Variants in RIPOR2 observed in about 807,000 individuals in gnomAD.
The protein encoded by RIPOR2 is rho family-interacting cell polarization regulator 2.
A neutral mutation model predicts 114.5 loss-of-function variants in RIPOR2; 39 were observed. That is an observed-to-expected ratio of 0.34 (90% CI 0.26 to 0.44). RIPOR2 has a LOEUF of 0.44. Ranked by LOEUF, RIPOR2 falls within the 20% of genes least tolerant of loss-of-function variation. The pLI, the probability that RIPOR2 is intolerant of heterozygous loss-of-function variation, is 1.00. For synonymous variants in RIPOR2, 445 were observed against 484.4 expected (o/e 0.92, Z 1.07); for missense variants, 1,007 against 1,255.1 (o/e 0.80, Z 2.99).
At chr6:25,024,366 C>T (rs1339226780) in intron 1 of RIPOR2, 1 of 1,373,470 alleles carries the variant, frequency 7.3e-7, no homozygotes, top group Admixed American at 1.7e-5. Flanking sequence ...TTCCTTCTGG[C>T]CAGTGTTGGC....
rs988983816 is a variant in RIPOR2, at chr6:24,839,690, C to G, written c.1858-418G>C. 97 of 1,509,898 alleles carry G rather than the reference C, an allele frequency of 6.4e-5. 1 individual carries two copies. The South Asian group carries it at 1.1e-3, about 17-fold the overall frequency. The allele number at this position is 1,509,898 out of a possible 1,614,324, so 93.5% of individuals were successfully genotyped here. On this transcript the variant is annotated intron_variant, in intron 13 of 21. Transcript: ENST00000643898. Reference sequence around the variant, plus strand: ...AACCACAAAGCCTTGGGAAACAGAACTGCTATATCCCTCTGCCTAGTGCTC... The same window carrying G: ...AACCACAAAGCCTTGGGAAACAGAAGTGCTATATCCCTCTGCCTAGTGCTC...
At chr6:25,024,047 C>T (rs913817476) in intron 1 of RIPOR2, 2 of 760,350 alleles carry the variant, frequency 2.6e-6, no homozygotes, top group Non-Finnish European at 4.9e-6. Context: ...TTGTAGAACT[C>T]GGGCATCCTC....
At chr6:24,828,379 T>A in intron 17 of RIPOR2, 84 bp from the exon 18 acceptor site, 1 of 1,224,254 alleles carries the variant, frequency 8.2e-7, no homozygotes, top group Non-Finnish European at 1.1e-6. Flanking sequence ...TATTTTTATT[T>A]TTATTTTAGA....
chr6:24,839,462 A>G lies in RIPOR2; in HGVS notation c.1858-190T>C. ...GTACAACCATGGATAAAATGGCACA[A>G]TATCTGGGACTGGTTGCAGAAGAAT... On this transcript the variant is annotated intron_variant, in intron 13 of 21. Transcript: ENST00000643898. The G allele has an allele frequency of 7.7e-6, 11 of 1,432,968 alleles. 1 individual carries two copies. In the South Asian group the frequency reaches 1.5e-4, roughly 20 times the overall value. 88.8% of individuals were successfully genotyped at this position (1,432,968 alleles called of 1,614,324 possible).
chr6:24,891,485 G>A (rs192703122), intron 1 of RIPOR2, among the ~76,000 whole-genome samples: 3 of 151,406 alleles, frequency 2.0e-5, no homozygotes, highest in East Asian at 1.9e-4. Context: ...TTGTCTAAAG[G>A]ATTTGAAGCT....
chr6:24,998,188 T>A (rs1215181048), intron 1 of RIPOR2, among the ~76,000 whole-genome samples: 2 of 152,186 alleles, frequency 1.3e-5, no homozygotes, highest in Non-Finnish European at 2.9e-5. Context: ...TGTTTTCTTG[T>A]GTTTTGGATA....
intron 1 of RIPOR2, among the ~76,000 whole-genome samples, chr6:24,934,133 G>A (rs972340362): frequency 1.3e-5 from 2 of 152,186 alleles, no homozygotes; most frequent in African/African-American, 4.8e-5. Context: ...TTCCTGGAGG[G>A]AGGTGTGGGT....
chr6:24,873,041 A>T (rs1765366361), intron 3 of RIPOR2, 82 bp from the exon 4 acceptor site: 10 of 911,438 alleles, frequency 1.1e-5, no homozygotes, highest in Non-Finnish European at 1.4e-5. Flanking sequence ...TTTCCTTCTC[A>T]AAGGGGATTA....
At chr6:25,003,162 C>G (rs1775393141) in intron 1 of RIPOR2, among the ~76,000 whole-genome samples, 1 of 152,142 alleles carries the variant, frequency 6.6e-6, no homozygotes, top group Non-Finnish European at 1.5e-5. Flanking sequence ...CGACCGTTCA[C>G]ATAGGGTCGA....
chr6:24,989,387 C>T (rs1175194467), intron 1 of RIPOR2, among the ~76,000 whole-genome samples: 5 of 151,714 alleles, frequency 3.3e-5, no homozygotes, highest in Admixed American at 3.3e-4. Flanking sequence ...CCTCCGCCTC[C>T]TGGGTTTGAG....
At chr6:24,999,980 G>C (rs563618861) in intron 1 of RIPOR2, among the ~76,000 whole-genome samples, 9 of 152,310 alleles carry the variant, frequency 5.9e-5, no homozygotes, top group African/African-American at 2.2e-4. Flanking sequence ...GTGAGAGAAG[G>C]TCAGCCAGCT....
chr6:24,826,822 A>G (rs1760229484), intron 18 of RIPOR2, among the ~76,000 whole-genome samples: 1 of 152,228 alleles, frequency 6.6e-6, no homozygotes, highest in South Asian at 2.1e-4. Flanking sequence ...AAACCCATGT[A>G]CATTCAACTG....
intron 1 of RIPOR2, among the ~76,000 whole-genome samples, chr6:24,990,540 G>T (rs142625298): frequency 6.6e-6 from 1 of 152,198 alleles, no homozygotes; most frequent in South Asian, 2.1e-4. Context: ...ATGTTGATAC[G>T]AGTGAATAGT....
intron 5 of RIPOR2, among the ~76,000 whole-genome samples, chr6:24,869,786 A>G (rs1198350685): frequency 1.5e-4 from 23 of 152,130 alleles, no homozygotes. Context: ...ATAATAATAT[A>G]TTTTGTCTTC....
chr6:24,852,453 T>A (rs1193739245), intron 9 of RIPOR2, 122 bp downstream of exon 9: 2 of 787,728 alleles, frequency 2.5e-6, no homozygotes, highest in Non-Finnish European at 2.1e-6. Flanking sequence ...TGGCTTAAAA[T>A]GTTTTTCAAA....
intron 2 of RIPOR2, among the ~76,000 whole-genome samples, chr6:24,875,129 C>T (rs1342358998): frequency 6.6e-6 from 1 of 152,196 alleles, no homozygotes; most frequent in Admixed American, 6.5e-5. Context: ...CAGGTTAAAG[C>T]ACATAGGGCC....
In RIPOR2 at chr6:24,804,839, C is replaced by T. The variant is rs1474046916; in HGVS notation, c.*1534G>A. On this transcript the variant is annotated 3_prime_UTR_variant, in exon 22 of 22. Coordinates refer to ENST00000643898, the MANE Select transcript of RIPOR2 (RefSeq NM_001286445.3). ...TGTTTTGATACCTTGGCATACCCCA[C>T]CTTGTACACTCTTTAGAGGAAGAAA... The T allele has an allele frequency of 1.3e-5, 2 of 152,184 alleles. No individual in the cohort carries two copies. Among genetic ancestry groups the T allele is most frequent in the African/African-American group, 2.4e-5 (1 of 41,438 alleles). 9.4% of individuals were successfully genotyped at this position (152,184 alleles called of 1,614,324 possible). A position where few individuals can be genotyped will look rare whatever the true frequency, so the allele number is the denominator to read the frequency against.
upstream of RIPOR2, among the ~76,000 whole-genome samples, chr6:24,939,963 T>C (rs558888577): frequency 6.6e-6 from 1 of 152,336 alleles, no homozygotes; most frequent in Admixed American, 6.5e-5. Context: ...GGTCTGTGAA[T>C]TACAATGATA....
At position 24,850,097 on chromosome 6, in the gene RIPOR2, CTTTTTT is replaced by C. The variant is rs5875008; in HGVS notation, c.886-153_886-148del. 129 of 437,178 alleles carry C rather than the reference CTTTTTT, an allele frequency of 3.0e-4. 3 individuals carry two copies. The highest frequency in any genetic ancestry group is 2.8e-3 in the South Asian group (91 of 32,698). 27.1% of individuals were successfully genotyped at this position (437,178 alleles called of 1,614,324 possible). A position where few individuals can be genotyped will look rare whatever the true frequency, so the allele number is the denominator to read the frequency against. ...GAAGCGGATTTTCATTTTTCTTTTT[CTTTTTT>C]TTTTTTTTTTGGAGACAGGGTCTCT... On this transcript the variant is annotated intron_variant, in intron 10 of 21. Coordinates refer to ENST00000643898, the MANE Select transcript of RIPOR2 (RefSeq NM_001286445.3).
Sources: gnomAD v4.1 joint callset for allele counts (sites outside exome capture counted in the v4.1 genomes callset) on GRCh38, gnomAD v4.1.1 for gene constraint, MANE v1.5 for transcripts, NCBI Gene and HGNC (gene_info 2026-07-23, HGNC 2026-07-21) for gene names.